Variants in ANKRD28 observed in about 807,000 individuals in gnomAD.
The protein encoded by ANKRD28 is ankyrin repeat domain 28.
In ANKRD28, 44 loss-of-function variants were observed where a neutral mutation model predicts 126.5. That is an observed-to-expected ratio of 0.35 (90% CI 0.27 to 0.45). ANKRD28 has a LOEUF of 0.45. Among genes scored for constraint, ANKRD28 ranks in the 20% least tolerant of loss-of-function variants. ANKRD28 has a pLI of 1.00. For missense variants in ANKRD28, 1,110 were observed against 1,316.6 expected, an observed-to-expected ratio of 0.84 and a Z score of 2.43; for synonymous variants, 442 against 468.5, an observed-to-expected ratio of 0.94 and a Z score of 0.73.
chr3:15,768,687 T>C lies in ANKRD28; in HGVS notation c.202-2375A>G, dbSNP rs546954605. Among the ~76,000 whole-genome samples, 19 of 152,126 alleles carry C rather than the reference T, an allele frequency of 1.2e-4. No individual in the cohort carries two copies. In the East Asian group the frequency reaches 3.7e-3, roughly 29 times the overall value. ...GCGGTGGGGCAGGGGGGCAAATGTG[T>C]GTAACATATAATTATCACTGGTCTC... On this transcript the variant is annotated intron_variant, in intron 2 of 27. Transcript: ENST00000683139.
At position 15,754,283 on chromosome 3, in the gene ANKRD28, C is replaced by T. The variant is rs536089687; in HGVS notation, c.281-2463G>A. ...GGATGTGAATCATCCCTTTGTCCAT[C>T]GTATCTTGCATATGCCATTCACCCT... is the stretch of plus-strand genomic sequence containing the variant. On this transcript the variant is annotated intron_variant, in intron 3 of 27. Transcript: ENST00000683139. Among the ~76,000 whole-genome samples, 9 of 152,302 alleles carry T rather than the reference C, an allele frequency of 5.9e-5. No homozygotes were observed. The East Asian group carries it at 9.6e-4, about 16-fold the overall frequency.
At chr3:15,794,159 A>G (rs2060164912) in intron 2 of ANKRD28, among the ~76,000 whole-genome samples, 1 of 152,176 alleles carries the variant, frequency 6.6e-6, no homozygotes, top group South Asian at 2.1e-4. Context: ...TTCACTTAGA[A>G]AAAATTTTAA....
In ANKRD28 at chr3:15,712,073, T is replaced by G. The variant is rs1028310806; in HGVS notation, c.1273+67A>C. On this transcript the variant is annotated intron_variant, in intron 11 of 27. Coordinates refer to ENST00000683139, the MANE Select transcript of ANKRD28 (RefSeq NM_001349278.2). ...CTGCATTAATTTTTAAAAAGCAGGA[T>G]AGAGACCATCTAAAAATTTTGAGGG... 69 of 1,211,958 alleles carry G rather than the reference T, an allele frequency of 5.7e-5. No individual in the cohort carries two copies. In the African/African-American group the frequency reaches 8.4e-4, roughly 15 times the overall value. The allele number at this position is 1,211,958 out of a possible 1,614,324, so 75.1% of individuals were successfully genotyped here.
chr3:15,734,542 T>C (rs1412748611), intron 6 of ANKRD28, among the ~76,000 whole-genome samples: 4 of 152,218 alleles, frequency 2.6e-5, no homozygotes, highest in African/African-American at 9.7e-5. Context: ...CTGAGCTCTA[T>C]GGCTGCAAAG....
intron 1 of ANKRD28, among the ~76,000 whole-genome samples, chr3:15,837,099 C>A (rs865824790): frequency 7.0e-3 from 758 of 107,926 alleles, no homozygotes; most frequent in African/African-American, 0.01. Flanking sequence ...GACTCCGTCT[C>A]AAAAAAAAAA....
Position 15,711,234 on chromosome 3 carries a change from A to G in ANKRD28, c.1314T>C (p.Cys438=), listed in dbSNP as rs760774644. 1 of 1,612,942 alleles carries G rather than the reference A, an allele frequency of 6.2e-7. No homozygotes were observed. The highest frequency in any genetic ancestry group is 1.7e-5 in the Admixed American group (1 of 59,940). ...IDTPDDFGRT[C]LHAAAAGGNL... Reference sequence around the variant, plus strand: ...ACCCTCCAGCTGCAGCTGCATGTAGACAAGTCCTGCCAAAATCATCTGGGG... The same window carrying G: ...ACCCTCCAGCTGCAGCTGCATGTAGGCAAGTCCTGCCAAAATCATCTGGGG... The change falls in exon 12 of 28, where the codon TGT becomes TGC. Residue 438 remains cysteine (C), a synonymous_variant. Coordinates refer to ENST00000683139, the MANE Select transcript of ANKRD28 (RefSeq NM_001349278.2).
rs1341551055 is a variant in ANKRD28 at position 15,694,816 on chromosome 3, G to A, written c.1687-3C>T. The A allele has an allele frequency of 5.0e-6, 8 of 1,612,692 alleles. No homozygotes were observed. The highest frequency in any genetic ancestry group is 1.3e-5 in the African/African-American group (1 of 74,866). On this transcript the variant is annotated splice_region_variant and splice_polypyrimidine_tract_variant and intron_variant, in intron 16 of 27. Transcript: ENST00000683139. ...TCTGTTCCTGAGGTTTCCATTAACTGAAAAAGAAGAGGCATTTTAAATGTC... is the reference window on the plus strand; with the variant it reads ...TCTGTTCCTGAGGTTTCCATTAACTAAAAAAGAAGAGGCATTTTAAATGTC...
chr3:15,787,008 C>T (rs946518023), intron 2 of ANKRD28, among the ~76,000 whole-genome samples: 2 of 152,018 alleles, frequency 1.3e-5, no homozygotes, highest in African/African-American at 4.8e-5. Context: ...GAAAAGATCT[C>T]ATTTATTACC....
chr3:15,689,952 A>G (rs2068595174), intron 18 of ANKRD28, 67 bp downstream of exon 18: 1 of 1,361,190 alleles, frequency 7.3e-7, no homozygotes, highest in South Asian at 1.5e-5. Context: ...GAAATATTAT[A>G]TATCAGAAAT....
At chr3:15,824,977 G>A (rs1331357930) in intron 1 of ANKRD28, among the ~76,000 whole-genome samples, 1 of 152,150 alleles carries the variant, frequency 6.6e-6, no homozygotes, top group African/African-American at 2.4e-5. Flanking sequence ...GATATATTGG[G>A]GGTGAGGGGT....
intron 2 of ANKRD28, among the ~76,000 whole-genome samples, chr3:15,780,982 A>C (rs914776660): frequency 6.6e-6 from 1 of 152,026 alleles, no homozygotes; most frequent in African/African-American, 2.4e-5. Context: ...CAAGGCGGGG[A>C]AGCACCACAA....
chr3:15,690,573 GT>G (rs1419705505), intron 17 of ANKRD28, among the ~76,000 whole-genome samples: 2 of 151,752 alleles, frequency 1.3e-5, no homozygotes, highest in African/African-American at 2.4e-5. Flanking sequence ...TGTTTTTTTT[GT>G]TTTGTTTTGA....
chr3:15,704,839 A>G (rs900688235), intron 14 of ANKRD28, among the ~76,000 whole-genome samples: 3 of 152,202 alleles, frequency 2.0e-5, no homozygotes, highest in Non-Finnish European at 2.9e-5. Context: ...GCTCCCATGG[A>G]ACAAATCATT....
intron 1 of ANKRD28, among the ~76,000 whole-genome samples, chr3:15,847,634 G>C (rs1247843333): frequency 1.3e-5 from 2 of 152,162 alleles, no homozygotes; most frequent in East Asian, 3.9e-4. Flanking sequence ...AGTTACTGAA[G>C]AGTCATCCTT....
intron 3 of ANKRD28, among the ~76,000 whole-genome samples, chr3:15,752,249 TATG>T (rs1490128177): frequency 2.0e-5 from 3 of 152,174 alleles, no homozygotes; most frequent in Admixed American, 6.5e-5. Flanking sequence ...CATAAGGTAA[TATG>T]ATAACATCAA....
rs2060817783 is a variant in ANKRD28, at chr3:15,815,652, CTT to C, written c.28-20348_28-20347del. Among the ~76,000 whole-genome samples the C allele has an allele frequency of 6.6e-6, 1 of 152,096 alleles. No individual in the cohort carries two copies. Among genetic ancestry groups the C allele is most frequent in the Non-Finnish European group, 1.5e-5 (1 of 68,012 alleles). ...CATCAATGCTATGACAAAGAATCAT[CTT>C]TGTTATAGTAATTACTATTGTAGTA... On this transcript the variant is annotated intron_variant, in intron 1 of 27. Coordinates refer to the ANKRD28 transcript ENST00000399451. This position sits in a 1 kb window ranked among gnomAD's most constrained non-coding sequence, Gnocchi z 4.1.
rs1575313577 is a variant in ANKRD28, at chr3:15,711,091, A to C, written c.1337+120T>G. The C allele has an allele frequency of 4.9e-6, 4 of 824,296 alleles. No individual in the cohort carries two copies. The East Asian group carries it at 1.1e-4, about 23-fold the overall frequency. 51.1% of individuals were successfully genotyped at this position (824,296 alleles called of 1,614,324 possible). A position where few individuals can be genotyped will look rare whatever the true frequency, so the allele number is the denominator to read the frequency against. On this transcript the variant is annotated intron_variant, in intron 12 of 27. Transcript: ENST00000683139. ...ACCCTGGACTTTTTTTTCCCAAACA[A>C]CTCCTGTTTTGTTTTCTATTTTCTG...
intron 4 of ANKRD28, among the ~76,000 whole-genome samples, chr3:15,749,097 T>A (rs1196015383): frequency 5.9e-5 from 2 of 33,832 alleles, no homozygotes; most frequent in African/African-American, 1.2e-4. Context: ...TATATTATGT[T>A]TTTGTTTTTT....
At chr3:15,753,245 G>A (rs1044141104) in intron 3 of ANKRD28, among the ~76,000 whole-genome samples, 4 of 152,192 alleles carry the variant, frequency 2.6e-5, no homozygotes, top group Non-Finnish European at 4.4e-5. Context: ...CAGGCACTGT[G>A]GAACCCTAGA....
Sources: gnomAD v4.1 joint callset for allele counts (sites outside exome capture counted in the v4.1 genomes callset) on GRCh38, gnomAD v4.1.1 for gene constraint, Gnocchi (gnomAD v3.1) non-coding constraint, MANE v1.5 for transcripts, NCBI Gene and HGNC (gene_info 2026-07-23, HGNC 2026-07-21) for gene names.